LPP: variants seen among roughly 807,000 people sequenced by gnomAD.
LPP encodes LIM domain containing preferred translocation partner in lipoma, also known as lipoma-preferred partner.
LPP carries 38 observed loss-of-function variants against 60.4 expected under a neutral mutation model. The observed-to-expected ratio is 0.63, with a 90% CI of 0.49 to 0.83. LPP has a LOEUF of 0.83. Ranked by LOEUF, LPP falls within the 40% of genes least tolerant of loss-of-function variation. The pLI is 0.00. For missense variants in LPP, 902 were observed against 783.6 expected (o/e 1.15, Z -1.80); for synonymous variants, 328 against 290.8 (o/e 1.13, Z -1.30).
At chr3:188,655,944 C>T (rs1292476444) in intron 7 of LPP, among the ~76,000 whole-genome samples, 3 of 151,978 alleles carry the variant, frequency 2.0e-5, no homozygotes, top group Non-Finnish European at 4.4e-5. Context: ...AATCCCAGCA[C>T]TTTGGGAGGC....
intron 1 of LPP, among the ~76,000 whole-genome samples, chr3:188,188,046 T>C (rs1727111831): frequency 1.3e-5 from 2 of 152,240 alleles, no homozygotes; most frequent in African/African-American, 4.8e-5. Flanking sequence ...ATGGGAGTTA[T>C]TGCCAGTTAT....
At chr3:188,326,213 G>T (rs1275898210) in intron 2 of LPP, among the ~76,000 whole-genome samples, 1 of 152,162 alleles carries the variant, frequency 6.6e-6, no homozygotes, top group Non-Finnish European at 1.5e-5. Context: ...CGACTTTTAC[G>T]TTCTTTGTGC....
chr3:188,575,706 C>A (rs1834460017), intron 6 of LPP, among the ~76,000 whole-genome samples: 1 of 152,134 alleles, frequency 6.6e-6, no homozygotes, highest in Non-Finnish European at 1.5e-5. Context: ...AACCCACTAG[C>A]TAGAATGGCA....
chr3:188,324,138 A>G (rs961133004), intron 2 of LPP, among the ~76,000 whole-genome samples: 1 of 152,160 alleles, frequency 6.6e-6, no homozygotes, highest in African/African-American at 2.4e-5. Flanking sequence ...ACTGATTTGC[A>G]CTAGATAGAT....
At chr3:188,501,469 G>T (rs963876765) in intron 5 of LPP, among the ~76,000 whole-genome samples, 1 of 152,130 alleles carries the variant, frequency 6.6e-6, no homozygotes, top group African/African-American at 2.4e-5. Flanking sequence ...CAAAATATTG[G>T]CCGGGCGTGG....
intron 7 of LPP, among the ~76,000 whole-genome samples, chr3:188,630,877 C>A (rs1035691479): frequency 8.5e-5 from 13 of 152,110 alleles, no homozygotes; most frequent in African/African-American, 3.1e-4. Context: ...TTTGCAGGGA[C>A]ATGGATGGAG....
intron 6 of LPP, among the ~76,000 whole-genome samples, chr3:188,561,626 T>C (rs759000965): frequency 6.6e-6 from 1 of 152,112 alleles, no homozygotes; most frequent in Non-Finnish European, 1.5e-5. Context: ...TCATGTTTTA[T>C]AAAGCATTGA....
rs1283746587 is a variant in LPP, at chr3:188,881,961, C to G, written c.*7482C>G. 4.6e-6 allele frequency: 1 copy of G among 216,518 alleles called. No homozygotes were observed. The highest frequency in any genetic ancestry group is 9.3e-6 in the Non-Finnish European group (1 of 107,614). 13.4% of individuals were successfully genotyped at this position (216,518 alleles called of 1,614,324 possible). On this transcript the variant is annotated 3_prime_UTR_variant, in exon 12 of 12. Transcript: ENST00000617246. ...TAGAAAAAGTGAGCAGCTTCTTTCT[C>G]TAATCATTTAGGAGTCCATATTTTT... is the stretch of plus-strand genomic sequence containing the variant.
chr3:188,342,307 C>A (rs1022541332), intron 3 of LPP, among the ~76,000 whole-genome samples: 1 of 152,162 alleles, frequency 6.6e-6, no homozygotes, highest in African/African-American at 2.4e-5. Flanking sequence ...ATCTGAATGC[C>A]ACTCTCCTGG....
intron 9 of LPP, among the ~76,000 whole-genome samples, chr3:188,842,174 G>A (rs1760202258): frequency 6.6e-6 from 1 of 152,106 alleles, no homozygotes; most frequent in Non-Finnish European, 1.5e-5. Context: ...GTTTTTTCCA[G>A]AAGACAGCAT....
chr3:188,166,815 CAT>C (rs1720094203), intron 1 of LPP, among the ~76,000 whole-genome samples: 4 of 96,800 alleles, frequency 4.1e-5, no homozygotes, highest in Admixed American at 1.2e-4. Context: ...ATTGAATGAA[CAT>C]ATGAATGAAT....
chr3:188,452,013 C>T (rs148104025), intron 4 of LPP, among the ~76,000 whole-genome samples: 12 of 152,192 alleles, frequency 7.9e-5, no homozygotes, highest in African/African-American at 2.9e-4. Flanking sequence ...CACTCATCTC[C>T]CTTGGTTTGT....
intron 6 of LPP, among the ~76,000 whole-genome samples, chr3:188,527,948 T>G (rs928802324): frequency 6.6e-6 from 1 of 152,132 alleles, no homozygotes; most frequent in Non-Finnish European, 1.5e-5. Flanking sequence ...ACATCTACTT[T>G]ATAAAAAATC....
chr3:188,726,003 A>C (rs1718251841), intron 8 of LPP, among the ~76,000 whole-genome samples: 1 of 152,172 alleles, frequency 6.6e-6, no homozygotes, highest in African/African-American at 2.4e-5. Flanking sequence ...ATGAGACTAA[A>C]TGAATGATTA....
At chr3:188,418,880 G>C (rs1488421252) in intron 4 of LPP, among the ~76,000 whole-genome samples, 1 of 152,024 alleles carries the variant, frequency 6.6e-6, no homozygotes, top group Non-Finnish European at 1.5e-5. Context: ...TCAGATATCA[G>C]GGGTAGTTTT....
chr3:188,770,454 G>A (rs1277511916), intron 9 of LPP, among the ~76,000 whole-genome samples: 1 of 150,882 alleles, frequency 6.6e-6, no homozygotes, highest in Admixed American at 6.6e-5. Flanking sequence ...GCCTCCCAAA[G>A]TGCTGGGATT....
chr3:188,651,524 C>T (rs765319571), intron 7 of LPP, among the ~76,000 whole-genome samples: 16 of 152,158 alleles, frequency 1.1e-4, no homozygotes, highest in South Asian at 2.1e-4. Flanking sequence ...TCCGTTTTCA[C>T]GCTGCTGATA....
chr3:188,322,568 G>C (rs1234434982), intron 2 of LPP, among the ~76,000 whole-genome samples: 1 of 152,144 alleles, frequency 6.6e-6, no homozygotes, highest in Non-Finnish European at 1.5e-5. Flanking sequence ...CTTTAAAAAG[G>C]CCTTTTGGTT....
chr3:188,208,565 A>T (rs992864384), intron 1 of LPP, among the ~76,000 whole-genome samples: 2 of 152,166 alleles, frequency 1.3e-5, no homozygotes, highest in African/African-American at 2.4e-5. Context: ...TTTCAGAGAG[A>T]CTGGAGCCTG....
Sources: gnomAD v4.1 joint callset for allele counts (sites outside exome capture counted in the v4.1 genomes callset) on GRCh38, gnomAD v4.1.1 for gene constraint, MANE v1.5 for transcripts, NCBI Gene and HGNC (gene_info 2026-07-23, HGNC 2026-07-21) for gene names.